Variants in CSMD1 observed in about 807,000 individuals in gnomAD.
CSMD1 encodes the protein CUB and sushi domain-containing protein 1.
A neutral mutation model predicts 417.5 loss-of-function variants in CSMD1; 213 were observed. That is an observed-to-expected ratio of 0.51 (90% confidence interval 0.46 to 0.57). The LOEUF is 0.57. CSMD1 is among the 20% of genes least tolerant of loss of function. The pLI is 0.00. For missense variants in CSMD1, 6,923 were observed against 4,529.7 expected (o/e 1.53, Z -15.17); for synonymous variants, 2,862 against 1,736.8 (o/e 1.65, Z -16.11).
intron 49 of CSMD1, among the ~76,000 whole-genome samples, chr8:3,059,910 G>T (rs1812480831): frequency 6.6e-6 from 1 of 152,114 alleles, no homozygotes; most frequent in Non-Finnish European, 1.5e-5. Context: ...AGATTCAGGG[G>T]AGAAAGGAGT....
At chr8:4,068,136 C>T (rs372781410) in intron 3 of CSMD1, among the ~76,000 whole-genome samples, 55 of 152,174 alleles carry the variant, frequency 3.6e-4, no homozygotes, top group South Asian at 1.5e-3. Flanking sequence ...TGCAGAGCCA[C>T]ACAGAAGGGT....
chr8:4,088,139 C>T (rs147345122), intron 3 of CSMD1, among the ~76,000 whole-genome samples: 4 of 152,206 alleles, frequency 2.6e-5, no homozygotes, highest in African/African-American at 7.2e-5. Flanking sequence ...GAGGAGGACA[C>T]TGCCCATTCT....
At chr8:4,787,916 A>G in intron 1 of CSMD1, 1 of 1,591,298 alleles carries the variant, frequency 6.3e-7, no homozygotes, top group Non-Finnish European at 8.6e-7. Flanking sequence ...ACCACAAAGA[A>G]ATTGTTCTTG....
intron 9 of CSMD1, among the ~76,000 whole-genome samples, chr8:3,576,729 A>C (rs1337476149): frequency 2.0e-5 from 3 of 152,174 alleles, no homozygotes; most frequent in Non-Finnish European, 2.9e-5. Context: ...TTATACACTA[A>C]TATCTCACTC....
intron 3 of CSMD1, among the ~76,000 whole-genome samples, chr8:4,220,239 C>G (rs966641916): frequency 6.6e-6 from 1 of 152,322 alleles, no homozygotes; most frequent in South Asian, 2.1e-4. Context: ...GCGTGAGCCA[C>G]CATGCCCAGT....
intron 5 of CSMD1, among the ~76,000 whole-genome samples, chr8:3,782,404 A>G (rs1799230444): frequency 6.6e-6 from 1 of 152,222 alleles, no homozygotes; most frequent in South Asian, 2.1e-4. Flanking sequence ...ACTAAAAAAT[A>G]GACTATAAAT....
At chr8:3,605,331 G>C (rs1475362128) in intron 8 of CSMD1, among the ~76,000 whole-genome samples, 1 of 152,112 alleles carries the variant, frequency 6.6e-6, no homozygotes, top group African/African-American at 2.4e-5. Flanking sequence ...TTTACTCCCT[G>C]GTTTCTACAC....
intron 2 of CSMD1, among the ~76,000 whole-genome samples, chr8:4,423,006 T>C (rs1797336531): frequency 6.6e-6 from 1 of 151,968 alleles, no homozygotes; most frequent in Non-Finnish European, 1.5e-5. Context: ...CTCAGTAACA[T>C]ATGATTGGAA....
intron 5 of CSMD1, among the ~76,000 whole-genome samples, chr8:3,907,679 C>T (rs998193078): frequency 6.6e-6 from 1 of 152,140 alleles, no homozygotes; most frequent in Admixed American, 6.5e-5. Context: ...AGGCAGAGAT[C>T]CTGAGAGCAA....
chr8:3,289,189 G>T (rs1803371455), intron 25 of CSMD1, among the ~76,000 whole-genome samples: 1 of 147,466 alleles, frequency 6.8e-6, no homozygotes, highest in Non-Finnish European at 1.5e-5. Flanking sequence ...GTATTCCATG[G>T]TGTATATGTG....
intron 1 of CSMD1, among the ~76,000 whole-genome samples, chr8:4,926,133 T>C (rs1442450138): frequency 6.6e-6 from 1 of 152,200 alleles, no homozygotes. Flanking sequence ...CCGATATTCA[T>C]GAGGCTGCCA....
chr8:3,483,563 G>A lies in CSMD1; in HGVS notation c.1448+10060C>T, dbSNP rs537081285. On this transcript the variant is annotated intron_variant, in intron 11 of 69. Transcript: ENST00000635120. ...TACTAATTTATAAGTAACAATTAAC[G>A]TCAAGATTTCATAAACTCTTGCAGA... Among the ~76,000 whole-genome samples the A allele has an allele frequency of 6.3e-4, 96 of 151,990 alleles. 1 individual carries two copies. Among genetic ancestry groups the A allele is most frequent in the African/African-American group, 2.0e-3 (81 of 41,488 alleles).
intron 3 of CSMD1, among the ~76,000 whole-genome samples, chr8:4,415,166 C>A (rs76106383): frequency 0.17 from 26,089 of 151,986 alleles, 2,713 homozygotes; most frequent in Non-Finnish European, 0.23. Context: ...AAAGGCTCAG[C>A]TCCAGGCTCT....
Position 3,214,697 on chromosome 8 carries a change from G to C in CSMD1, c.4673-6C>G. On this transcript the variant is annotated splice_polypyrimidine_tract_variant and splice_region_variant and intron_variant, in intron 29 of 69. Transcript: ENST00000635120. Reference sequence around the variant, plus strand: ...ACAAGCTTCCCGTGGTTTCTCTGTGGAAGAAATGAATGTAAACTGCATGAG... The same window carrying C: ...ACAAGCTTCCCGTGGTTTCTCTGTGCAAGAAATGAATGTAAACTGCATGAG... 1.3e-6 allele frequency: 2 copies of C among 1,547,232 alleles called. No individual in the cohort carries two copies. Among genetic ancestry groups the C allele is most frequent in the Non-Finnish European group, 8.7e-7 (1 of 1,144,606 alleles).
intron 10 of CSMD1, among the ~76,000 whole-genome samples, chr8:3,561,743 A>G (rs1799474652): frequency 6.6e-6 from 1 of 152,210 alleles, no homozygotes; most frequent in South Asian, 2.1e-4. Flanking sequence ...CCATGTGACA[A>G]AACTGGACAT....
intron 1 of CSMD1, among the ~76,000 whole-genome samples, chr8:4,821,737 T>G (rs555174924): frequency 6.6e-6 from 1 of 152,250 alleles, no homozygotes; most frequent in South Asian, 2.1e-4. Flanking sequence ...GATGTTCTTG[T>G]GTTATAAGTG....
rs538343083 is a variant in CSMD1, at chr8:4,504,663, T to G, written c.303-84598A>C. Among the ~76,000 whole-genome samples the G allele has an allele frequency of 1.2e-4, 18 of 152,214 alleles. No homozygotes were observed. In the South Asian group the frequency reaches 3.5e-3, roughly 30 times the overall value. ...CCACCTCCCGACAAACCCCAGTGTGTGATGTTCCCCTCCCTGTATCCATGT... is the reference window on the plus strand; with the variant it reads ...CCACCTCCCGACAAACCCCAGTGTGGGATGTTCCCCTCCCTGTATCCATGT... On this transcript the variant is annotated intron_variant, in intron 2 of 69. Coordinates refer to ENST00000635120, the MANE Select transcript of CSMD1 (RefSeq NM_033225.6).
rs184213437 is a variant in CSMD1 at position 4,129,265 on chromosome 8, A to C, written c.416-97166T>G. On this transcript the variant is annotated intron_variant, in intron 3 of 69. Coordinates refer to ENST00000635120, the MANE Select transcript of CSMD1 (RefSeq NM_033225.6). ...TGAGGATGTCTCCTGGGGAGCCTTC[A>C]GATCTGCTGTCAACAAAACTAGCAC... Among the ~76,000 whole-genome samples the C allele has an allele frequency of 1.3e-4, 20 of 152,216 alleles. No homozygotes were observed. In the East Asian group the frequency reaches 3.3e-3, roughly 25 times the overall value.
At chr8:4,374,179 G>A (rs1178824582) in intron 3 of CSMD1, among the ~76,000 whole-genome samples, 1 of 152,110 alleles carries the variant, frequency 6.6e-6, no homozygotes, top group Non-Finnish European at 1.5e-5. Flanking sequence ...TCCCCCCTCT[G>A]AGTTCCAGTC....
Sources: allele counts gnomAD v4.1 joint callset (sites outside exome capture counted in the v4.1 genomes callset), GRCh38; gene constraint gnomAD v4.1.1; transcripts MANE v1.5; gene names NCBI Gene and HGNC (gene_info 2026-07-23, HGNC 2026-07-21).